Variants in DNTT observed in about 807,000 individuals in gnomAD.
DNTT encodes DNA nucleotidylexotransferase, also known as nucleosidetriphosphate:DNA deoxynucleotidylexotransferase.
In DNTT, 47 loss-of-function variants were observed where a neutral mutation model predicts 60.9. That is an observed-to-expected ratio of 0.77 (90% CI 0.61 to 0.98). The LOEUF is 0.98. Ranked by LOEUF, DNTT falls within the 50% of genes least tolerant of loss-of-function variation. The probability of loss-of-function intolerance (pLI) is 0.00; values close to 1 mark genes in which losing one functional copy is unlikely to be tolerated. For synonymous variants in DNTT, 224 were observed against 221.2 expected, an observed-to-expected ratio of 1.01 and a Z score of -0.11; for missense variants, 665 against 627.5, an observed-to-expected ratio of 1.06 and a Z score of -0.64.
At chr10:96,307,918 C>T (rs970535290) in intron 1 of DNTT, among the ~76,000 whole-genome samples, 4 of 151,476 alleles carry the variant, frequency 2.6e-5, no homozygotes, top group South Asian at 2.1e-4. Context: ...ACTACAGATG[C>T]GGGCCATGCC....
At chr10:96,334,960 T>C (rs925238404) in intron 9 of DNTT, among the ~76,000 whole-genome samples, 31 of 152,242 alleles carry the variant, frequency 2.0e-4, no homozygotes, top group African/African-American at 7.2e-4. Context: ...TGCAAGGCAC[T>C]GGCAGAGCAC....
intron 6 of DNTT, among the ~76,000 whole-genome samples, chr10:96,324,824 G>A (rs1288873885): frequency 6.6e-6 from 1 of 152,218 alleles, no homozygotes; most frequent in East Asian, 1.9e-4. Flanking sequence ...TGGGTGAAGA[G>A]TCAAAGACAG....
rs1844949512 is a variant in DNTT, at chr10:96,327,492, T to C, written c.899T>C (p.Val300Ala). ...GGATTTCTGTATTATGAAGACCTTGTCAGCTGTGTGACCAGGGCAGAAGCA... is the reference window on the plus strand; with the variant it reads ...GGATTTCTGTATTATGAAGACCTTGCCAGCTGTGTGACCAGGGCAGAAGCA... Reference protein sequence around the residue: ...KAGFLYYEDLVSCVTRAEAEA... With the variant: ...KAGFLYYEDLASCVTRAEAEA... The change falls in exon 7 of 11, where the codon GTC becomes GCC. Residue 300 changes from valine to alanine, a missense_variant. Transcript: ENST00000371174. 6.2e-7 allele frequency: 1 copy of C among 1,614,134 alleles called. No homozygotes were observed. Among genetic ancestry groups the C allele is most frequent in the Non-Finnish European group, 8.5e-7 (1 of 1,179,968 alleles).
At chr10:96,330,846 T>C (rs1345293614) in intron 8 of DNTT, among the ~76,000 whole-genome samples, 1 of 152,214 alleles carries the variant, frequency 6.6e-6, no homozygotes, top group East Asian at 1.9e-4. Flanking sequence ...AACTGAGCTT[T>C]AGCAAACCTT....
At chr10:96,335,752 A>C in intron 9 of DNTT, 139 bp from the exon 10 acceptor site, 3 of 896,810 alleles carry the variant, frequency 3.3e-6, no homozygotes, top group Non-Finnish European at 5.4e-6. Flanking sequence ...TTCTGTCACC[A>C]GAGAATTTGG....
chr10:96,334,905 C>G (rs753224868), intron 9 of DNTT, among the ~76,000 whole-genome samples: 1 of 152,186 alleles, frequency 6.6e-6, no homozygotes, highest in South Asian at 2.1e-4. Flanking sequence ...TCAACACATT[C>G]TAGTCTGTTT....
intron 4 of DNTT, 36 bp from the exon 5 acceptor site, chr10:96,322,621 A>T: frequency 1.3e-6 from 2 of 1,537,682 alleles, no homozygotes; most frequent in Non-Finnish European, 1.8e-6. Flanking sequence ...ATTGTCCAAC[A>T]TCACTAATTT....
In DNTT at chr10:96,324,366, A is replaced by C. The variant is rs1201708862; in HGVS notation, c.851A>C (p.Lys284Thr). 2 of 1,613,706 alleles carry C rather than the reference A, an allele frequency of 1.2e-6. No homozygotes were observed. Among genetic ancestry groups the C allele is most frequent in the Non-Finnish European group, 1.7e-6 (2 of 1,179,816 alleles). The change falls in exon 6 of 11, where the codon AAA (lysine) becomes ACA (threonine). Residue 284 changes from lysine to threonine, a missense_variant. By Grantham distance (78) the Lys-to-Thr change is moderately conservative. Transcript: ENST00000371174. ...LSKVRSDKSL[K>T]FTRMQKAGFL... ...AAAGTAAGGTCGGACAAAAGCCTGA[A>C]ATTTACACGAATGCAGAAAGCAGGT...
intron 10 of DNTT, among the ~76,000 whole-genome samples, chr10:96,337,301 G>A (rs1241878674): frequency 6.6e-6 from 1 of 152,096 alleles, no homozygotes; most frequent in Non-Finnish European, 1.5e-5. Context: ...ACCCATTACT[G>A]TGGCTCTGAT....
At chr10:96,326,167 C>T (rs1336391144) in intron 6 of DNTT, among the ~76,000 whole-genome samples, 1 of 151,180 alleles carries the variant, frequency 6.6e-6, no homozygotes, top group Non-Finnish European at 1.5e-5. Context: ...TGCATAAGCA[C>T]AGGTGTTTGT....
chr10:96,310,193 G>A (rs917503107), intron 1 of DNTT, among the ~76,000 whole-genome samples: 1 of 152,164 alleles, frequency 6.6e-6, no homozygotes, highest in African/African-American at 2.4e-5. Flanking sequence ...AAAGTCTCAT[G>A]CCTTTTGTTC....
chr10:96,330,519 G>A (rs929862132), intron 8 of DNTT, among the ~76,000 whole-genome samples: 2 of 152,136 alleles, frequency 1.3e-5, no homozygotes, highest in African/African-American at 4.8e-5. Context: ...GTTAACTACG[G>A]CAACATCTAC....
chr10:96,315,882 T>C (rs1844779971), intron 1 of DNTT, among the ~76,000 whole-genome samples: 1 of 152,152 alleles, frequency 6.6e-6, no homozygotes. Context: ...TATAAATAAA[T>C]TTTGAAATAA....
chr10:96,308,415 T>G (rs1844669030), intron 1 of DNTT, among the ~76,000 whole-genome samples: 1 of 152,264 alleles, frequency 6.6e-6, no homozygotes, highest in South Asian at 2.1e-4. Context: ...AAAAGAATAC[T>G]GAATTTTATT....
rs1269207926 is a variant in DNTT, at chr10:96,324,365, A to G, written c.850A>G (p.Lys284Glu). ...TAAAGTAAGGTCGGACAAAAGCCTG[A>G]AATTTACACGAATGCAGAAAGCAGG... Reference protein sequence around the residue: ...LSKVRSDKSLKFTRMQKAGFL... With the variant: ...LSKVRSDKSLEFTRMQKAGFL... Residue 284 changes from lysine to glutamate, a missense_variant, in exon 6 of 11, where the codon AAA becomes GAA. Coordinates refer to ENST00000371174, the MANE Select transcript of DNTT (RefSeq NM_004088.4). The G allele has an allele frequency of 6.2e-7, 1 of 1,613,876 alleles. No individual in the cohort carries two copies. Among genetic ancestry groups the G allele is most frequent in the East Asian group, 2.2e-5 (1 of 44,868 alleles).
intron 10 of DNTT, among the ~76,000 whole-genome samples, chr10:96,337,005 T>C (rs1003276325): frequency 2.0e-5 from 3 of 151,318 alleles, no homozygotes; most frequent in African/African-American, 7.3e-5. Context: ...ATGAGATGTA[T>C]TCAGTTAGAG....
intron 1 of DNTT, among the ~76,000 whole-genome samples, chr10:96,307,416 A>G (rs1844652736): frequency 7.9e-6 from 1 of 126,712 alleles, no homozygotes; most frequent in Non-Finnish European, 1.5e-5. Context: ...GTGCAGTGGC[A>G]CGATCTCGGC....
chr10:96,315,351 C>T (rs1844774963), intron 1 of DNTT, among the ~76,000 whole-genome samples: 1 of 151,824 alleles, frequency 6.6e-6, no homozygotes, highest in African/African-American at 2.4e-5. Flanking sequence ...TAGTGGCAAC[C>T]AATACTGAGC....
Position 96,304,802 on chromosome 10 carries a change from G to A in DNTT, c.203+102G>A, listed in dbSNP as rs147292544. On this transcript the variant is annotated intron_variant, in intron 1 of 10. Transcript: ENST00000371174. The stretch of plus-strand genomic sequence containing the variant: ...GTTTTCTTCCACATGTGGAAGAGGT[G>A]ATCTTCCCACTGGGAGAACAGCAGA... 2.7e-4 allele frequency: 345 copies of A among 1,279,798 alleles called. No homozygotes were observed. The African/African-American group carries it at 4.3e-3, about 16-fold the overall frequency. 79.3% of individuals were successfully genotyped at this position (1,279,798 alleles called of 1,614,324 possible). A position where few individuals can be genotyped will look rare whatever the true frequency, so the allele number is the denominator to read the frequency against.
Sources: gnomAD v4.1 joint callset for allele counts (sites outside exome capture counted in the v4.1 genomes callset) on GRCh38, gnomAD v4.1.1 for gene constraint, MANE v1.5 for transcripts, NCBI Gene and HGNC (gene_info 2026-07-23, HGNC 2026-07-21) for gene names.